Variants in GRID2 observed in about 807,000 individuals in gnomAD.
GRID2 encodes the protein glutamate ionotropic receptor delta type subunit 2, also known as glutamate receptor ionotropic, delta-2.
A neutral mutation model predicts 114.8 loss-of-function variants in GRID2; 33 were observed. The observed-to-expected ratio is 0.29, with a 90% CI of 0.22 to 0.38. The LOEUF is 0.38. GRID2 is among the 10% of genes least tolerant of loss of function. The pLI is 1.00. For synonymous variants in GRID2, 505 were observed against 449.9 expected, an observed-to-expected ratio of 1.12 and a Z score of -1.55; for missense variants, 1,184 against 1,257.7, an observed-to-expected ratio of 0.94 and a Z score of 0.89.
intron 1 of GRID2, among the ~76,000 whole-genome samples, chr4:92,337,259 G>A (rs1461576273): frequency 2.6e-5 from 4 of 151,718 alleles, no homozygotes; most frequent in African/African-American, 4.8e-5. Context: ...GATAGAAAAC[G>A]GTTTATTTAA....
chr4:93,728,663 G>C (rs1425710018), intron 14 of GRID2, among the ~76,000 whole-genome samples: 4 of 152,100 alleles, frequency 2.6e-5, no homozygotes, highest in African/African-American at 9.7e-5. Context: ...TATGAATCTG[G>C]GTGCTCGTGT....
intron 1 of GRID2, among the ~76,000 whole-genome samples, chr4:92,486,469 AATATTT>A (rs1437235397): frequency 4.6e-5 from 7 of 151,362 alleles, no homozygotes; most frequent in African/African-American, 1.7e-4. Flanking sequence ...AAACCAGATT[AATATTT>A]ATGTTTGCTG....
chr4:93,725,082 C>T (rs1729728382), intron 14 of GRID2, among the ~76,000 whole-genome samples: 1 of 152,032 alleles, frequency 6.6e-6, no homozygotes, highest in African/African-American at 2.4e-5. Context: ...GTGCTGCACC[C>T]ATTAACTCAT....
intron 3 of GRID2, among the ~76,000 whole-genome samples, chr4:93,102,480 T>C (rs1166630402): frequency 2.0e-5 from 3 of 152,114 alleles, no homozygotes; most frequent in East Asian, 1.9e-4. Context: ...CAGAGGGTTA[T>C]TTATGGGCTC....
intron 13 of GRID2, among the ~76,000 whole-genome samples, chr4:93,580,117 A>G (rs886350689): frequency 2.6e-5 from 4 of 152,244 alleles, no homozygotes; most frequent in Non-Finnish European, 5.9e-5. Flanking sequence ...AGTGCCAGTG[A>G]CTTCAGTGAA....
chr4:93,299,582 A>G (rs59079995), intron 8 of GRID2, among the ~76,000 whole-genome samples: 7,365 of 149,532 alleles, frequency 0.049, 659 homozygotes, highest in African/African-American at 0.17. Context: ...GATAGCATTA[A>G]GAGATATACC....
intron 1 of GRID2, among the ~76,000 whole-genome samples, chr4:92,473,034 A>C (rs1420598372): frequency 6.6e-6 from 1 of 152,046 alleles, no homozygotes; most frequent in Non-Finnish European, 1.5e-5. Context: ...CATAGTTTTA[A>C]GTTTAATGTT....
Position 93,255,018 on chromosome 4 carries a change from C to T in GRID2, c.1245+16528C>T, listed in dbSNP as rs184983241. Reference sequence around the variant, plus strand: ...AGGCCTCCTAAATGCTATTTATTTTCTAGCTGTTGGTGTTAGATAACCTAA... The same window carrying T: ...AGGCCTCCTAAATGCTATTTATTTTTTAGCTGTTGGTGTTAGATAACCTAA... On this transcript the variant is annotated intron_variant, in intron 8 of 15. Transcript: ENST00000282020. 4.7e-4 allele frequency among the ~76,000 whole-genome samples: 72 copies of T among 152,186 alleles called. 1 individual carries two copies. In the Middle Eastern group the frequency reaches 0.01, roughly 22 times the overall value.
At chr4:93,518,057 T>C (rs1729975883) in intron 13 of GRID2, among the ~76,000 whole-genome samples, 1 of 129,988 alleles carries the variant, frequency 7.7e-6, no homozygotes, top group Non-Finnish European at 1.6e-5. Context: ...ATACTATATA[T>C]GTATATAGTA....
intron 8 of GRID2, among the ~76,000 whole-genome samples, chr4:93,272,851 T>C (rs1368725): frequency 0.71 from 107,866 of 152,058 alleles, 39,062 homozygotes; most frequent in Middle Eastern, 0.86. Context: ...GCTGGTCTCA[T>C]ACTGCATTTC....
intron 2 of GRID2, among the ~76,000 whole-genome samples, chr4:92,683,499 A>G (rs1301818469): frequency 6.6e-6 from 1 of 152,156 alleles, no homozygotes; most frequent in Non-Finnish European, 1.5e-5. Flanking sequence ...CTAATTCCAC[A>G]AATACCTTAC....
intron 4 of GRID2, among the ~76,000 whole-genome samples, chr4:93,159,610 TAGAG>T (rs938929619): frequency 5.9e-5 from 9 of 151,350 alleles, no homozygotes; most frequent in African/African-American, 1.9e-4. Context: ...CTGTAACACT[TAGAG>T]AGGATTAAGT....
intron 3 of GRID2, among the ~76,000 whole-genome samples, chr4:93,087,354 C>T (rs1464951886): frequency 1.3e-5 from 2 of 152,034 alleles, no homozygotes; most frequent in African/African-American, 2.4e-5. Flanking sequence ...ATTTTCTCAA[C>T]ATTAAAACAA....
intron 8 of GRID2, among the ~76,000 whole-genome samples, chr4:93,296,924 T>C (rs990877527): frequency 6.6e-6 from 1 of 152,220 alleles, no homozygotes; most frequent in African/African-American, 2.4e-5. Flanking sequence ...CTGAATGTGA[T>C]TCCCCCTATA....
intron 3 of GRID2, 127 bp from the exon 4 acceptor site, chr4:93,110,621 C>T (rs1732674308): frequency 1.5e-6 from 1 of 688,624 alleles, no homozygotes; most frequent in Middle Eastern, 4.1e-4. Flanking sequence ...CCGTCAGCTA[C>T]TCAGTTGGTA....
At chr4:93,206,632 A>T (rs1286418856) in intron 4 of GRID2, among the ~76,000 whole-genome samples, 1 of 151,212 alleles carries the variant, frequency 6.6e-6, no homozygotes, top group African/African-American at 2.4e-5. Flanking sequence ...ACACACACGC[A>T]TGCACACATC....
At chr4:93,781,992 A>G (rs771560520) in intron 1 of GRID2, among the ~76,000 whole-genome samples, 1 of 152,046 alleles carries the variant, frequency 6.6e-6, no homozygotes, top group Non-Finnish European at 1.5e-5. Flanking sequence ...TTGTTAGATT[A>G]CTCTTCCTTC....
chr4:93,103,885 T>C (rs1458447693), intron 3 of GRID2, among the ~76,000 whole-genome samples: 1 of 151,306 alleles, frequency 6.6e-6, no homozygotes, highest in African/African-American at 2.4e-5. Context: ...TCTGATCCCA[T>C]AGAAATGGGA....
intron 2 of GRID2, among the ~76,000 whole-genome samples, chr4:92,612,937 A>G (rs1225900953): frequency 2.0e-5 from 3 of 151,316 alleles, no homozygotes; most frequent in Non-Finnish European, 3.0e-5. Flanking sequence ...TTTTGGTTGC[A>G]GTGGCTTGAA....
Sources: gnomAD v4.1 joint callset for allele counts (sites outside exome capture counted in the v4.1 genomes callset) on GRCh38, gnomAD v4.1.1 for gene constraint, MANE v1.5 for transcripts, NCBI Gene and HGNC (gene_info 2026-07-23, HGNC 2026-07-21) for gene names.